VKORC1L1: variants seen among roughly 807,000 people sequenced by gnomAD.
VKORC1L1 encodes vitamin K epoxide reductase complex subunit 1-like protein 1.
Under a neutral mutation model 18.9 loss-of-function variants are expected in VKORC1L1, and 2 were observed. The ratio of observed to expected loss-of-function variants is 0.11; its 90% confidence interval spans 0.04 to 0.33. The LOEUF is 0.33. VKORC1L1 is among the 10% of genes least tolerant of loss of function. VKORC1L1 has a pLI of 1.00. For missense variants in VKORC1L1, 123 were observed against 224.1 expected (o/e 0.55, Z 2.88); for synonymous variants, 96 against 100.0 (o/e 0.96, Z 0.24).
chr7:65,878,184 G>A (rs1210396939), intron 1 of VKORC1L1, among the ~76,000 whole-genome samples: 2 of 152,134 alleles, frequency 1.3e-5, no homozygotes, highest in Non-Finnish European at 2.9e-5. Flanking sequence ...AGTGGTTCAC[G>A]CCTGTAATCC....
intron 2 of VKORC1L1, among the ~76,000 whole-genome samples, chr7:65,952,540 C>T (rs1790228730): frequency 6.6e-6 from 1 of 151,776 alleles, no homozygotes; most frequent in Non-Finnish European, 1.5e-5. Flanking sequence ...TTTTTTTTGC[C>T]AACAGGGCCC....
chr7:65,912,897 CA>C (rs1432340140), intron 1 of VKORC1L1, among the ~76,000 whole-genome samples: 3 of 151,822 alleles, frequency 2.0e-5, no homozygotes, highest in African/African-American at 7.3e-5. Flanking sequence ...TTTTCTTTTC[CA>C]TTTCTGTATG....
intron 1 of VKORC1L1, among the ~76,000 whole-genome samples, chr7:65,945,838 T>C (rs1395365041): frequency 6.6e-6 from 1 of 152,214 alleles, no homozygotes; most frequent in Non-Finnish European, 1.5e-5. Context: ...TAATCAGGCA[T>C]AGACCAGTGC....
chr7:65,933,032 C>A (rs894985802), intron 1 of VKORC1L1, among the ~76,000 whole-genome samples: 16 of 148,174 alleles, frequency 1.1e-4, no homozygotes, highest in Admixed American at 6.9e-5. Context: ...GAGCCGAGAT[C>A]GCGCCACTGC....
chr7:65,921,692 C>CA (rs1188265361), intron 1 of VKORC1L1, among the ~76,000 whole-genome samples: 1 of 151,958 alleles, frequency 6.6e-6, no homozygotes, highest in Non-Finnish European at 1.5e-5. Context: ...ACTAAAAATA[C>CA]AAAAAATTAG....
At chr7:65,906,194 G>C (rs1421771128) in intron 1 of VKORC1L1, among the ~76,000 whole-genome samples, 1 of 151,634 alleles carries the variant, frequency 6.6e-6, no homozygotes, top group African/African-American at 2.4e-5. Context: ...CAGCACTTTG[G>C]GAGGCCAAGG....
At chr7:65,909,756 C>T (rs1003238934) in intron 1 of VKORC1L1, among the ~76,000 whole-genome samples, 3 of 147,092 alleles carry the variant, frequency 2.0e-5, no homozygotes, top group African/African-American at 7.7e-5. Flanking sequence ...CTTGCTCTGT[C>T]GCCCAGGCTG....
chr7:65,948,596 C>T (rs1391197891), intron 1 of VKORC1L1, 75 bp from the exon 2 acceptor site: 4 of 530,272 alleles, frequency 7.5e-6, no homozygotes, highest in African/African-American at 4.9e-5. Context: ...AATTGGATAA[C>T]GTTCTCAAAT....
In VKORC1L1 at chr7:65,921,267, C is replaced by T. The variant is rs1039713780; in HGVS notation, c.195-27404C>T. 3.3e-5 allele frequency among the ~76,000 whole-genome samples: 5 copies of T among 152,150 alleles called. No homozygotes were observed. In the South Asian group the frequency reaches 6.2e-4, roughly 19 times the overall value. ...TGAATATATTTGGATTTAAAGCTAA[C>T]GTCTTAGGATTCCTATTTCCCCTAC... On this transcript the variant is annotated intron_variant, in intron 1 of 2. Coordinates refer to ENST00000360768, the MANE Select transcript of VKORC1L1 (RefSeq NM_173517.6).
rs769331837 is a variant in VKORC1L1 at position 65,873,587 on chromosome 7, G to A, written c.194+22G>A. Reference sequence around the variant, plus strand: ...CCAGGTAGCCGGCTTGGGGGAGTGGGCCAGGAGCGGCCGAGCGGGGCGAGG... The same window carrying A: ...CCAGGTAGCCGGCTTGGGGGAGTGGACCAGGAGCGGCCGAGCGGGGCGAGG... On this transcript the variant is annotated intron_variant, in intron 1 of 2. Coordinates refer to ENST00000360768, the MANE Select transcript of VKORC1L1 (RefSeq NM_173517.6). 4.0e-6 allele frequency: 6 copies of A among 1,498,702 alleles called. No homozygotes were observed. In the African/African-American group the frequency reaches 4.3e-5, roughly 11 times the overall value. The allele number at this position is 1,498,702 out of a possible 1,614,324, so 92.8% of individuals were successfully genotyped here.
chr7:65,910,041 G>A lies in VKORC1L1; in HGVS notation c.194+36476G>A, dbSNP rs533595901. ...TTGTTTTTGCCTTTTAATCTTACCT[G>A]TTGTTAAAAAGCCTGTTGCTTTCCT... is the stretch of plus-strand genomic sequence containing the variant. On this transcript the variant is annotated intron_variant, in intron 1 of 2. Transcript: ENST00000360768. 2.0e-5 allele frequency among the ~76,000 whole-genome samples: 3 copies of A among 152,008 alleles called. No individual in the cohort carries two copies. In the East Asian group the frequency reaches 5.8e-4, roughly 29 times the overall value.
intron 1 of VKORC1L1, among the ~76,000 whole-genome samples, chr7:65,896,324 A>G (rs911651732): frequency 1.5e-4 from 23 of 152,062 alleles, no homozygotes; most frequent in African/African-American, 3.9e-4. Context: ...GGTTGTTTCT[A>G]TATTTTGGCT....
intron 1 of VKORC1L1, among the ~76,000 whole-genome samples, chr7:65,942,304 G>A (rs1440650670): frequency 6.6e-6 from 1 of 151,492 alleles, no homozygotes; most frequent in African/African-American, 2.4e-5. Flanking sequence ...TGGCTAACAC[G>A]GTGAAACCCC....
intron 1 of VKORC1L1, among the ~76,000 whole-genome samples, chr7:65,947,796 T>A (rs1156508589): frequency 2.0e-5 from 3 of 152,044 alleles, no homozygotes; most frequent in Admixed American, 2.0e-4. Flanking sequence ...GTTCAAGTGA[T>A]TCTCCTGCCT....
At chr7:65,928,254 C>CTTTT (rs760146385) in intron 1 of VKORC1L1, among the ~76,000 whole-genome samples, 88 of 106,154 alleles carry the variant, frequency 8.3e-4, no homozygotes, top group Middle Eastern at 5.6e-3. Context: ...TTTTTTCCTT[C>CTTTT]TTTTTTTTTT....
At chr7:65,929,680 GTGTATATATA>G (rs946399067) in intron 1 of VKORC1L1, among the ~76,000 whole-genome samples, 2 of 103,774 alleles carry the variant, frequency 1.9e-5, no homozygotes, top group Non-Finnish European at 3.7e-5. Context: ...ATGTGTGTGT[GTGTATATATA>G]TATATATATA....
intron 1 of VKORC1L1, among the ~76,000 whole-genome samples, chr7:65,890,952 A>G (rs1413075080): frequency 2.0e-5 from 3 of 152,210 alleles, no homozygotes; most frequent in Admixed American, 1.3e-4. Flanking sequence ...AAGTTCTTTC[A>G]TGGTAATTTC....
intron 1 of VKORC1L1, among the ~76,000 whole-genome samples, chr7:65,902,375 G>A (rs1047887389): frequency 6.6e-6 from 1 of 152,210 alleles, no homozygotes; most frequent in Non-Finnish European, 1.5e-5. Context: ...TTAAAATACA[G>A]TGATGGCATT....
At chr7:65,952,110 A>G (rs1375199457) in intron 2 of VKORC1L1, among the ~76,000 whole-genome samples, 2 of 152,232 alleles carry the variant, frequency 1.3e-5, no homozygotes, top group Admixed American at 1.3e-4. Flanking sequence ...CCAATTTTAC[A>G]GTTGAGAAAA....
Sources: gnomAD v4.1 joint callset for allele counts (sites outside exome capture counted in the v4.1 genomes callset) on GRCh38, gnomAD v4.1.1 for gene constraint, MANE v1.5 for transcripts, NCBI Gene and HGNC (gene_info 2026-07-23, HGNC 2026-07-21) for gene names.